Variants in DRC11 observed in about 807,000 individuals in gnomAD.
DRC11 encodes IQ and AAA domain-containing protein 1.
chr2:236,377,840 A>C, the DRC11 span, among the ~76,000 whole-genome samples: 1 of 152,224 alleles, frequency 6.6e-6, no homozygotes, highest in African/African-American at 2.4e-5. The surrounding 1 kb of genome is among the most constrained non-coding windows in gnomAD (Gnocchi z 4.9). Context: ...AAAAATGGAC[A>C]TAGTATCCCA....
the DRC11 span, chr2:236,331,419 C>A: frequency 6.2e-7 from 1 of 1,613,892 alleles, no homozygotes. This position sits in a 1 kb window ranked among gnomAD's most constrained non-coding sequence, Gnocchi z 4.8. Flanking sequence ...CCGTAATAAA[C>A]TCAACTGCAG....
At chr2:236,383,927 T>C in the DRC11 span, among the ~76,000 whole-genome samples, 1 of 151,500 alleles carries the variant, frequency 6.6e-6, no homozygotes, top group Non-Finnish European at 1.5e-5. Flanking sequence ...TGGTTTTTTG[T>C]TCTTGCGATA....
chr2:236,380,310 T>TAAACAAAAAATTC, the DRC11 span, among the ~76,000 whole-genome samples: 1 of 152,148 alleles, frequency 6.6e-6, no homozygotes, highest in Non-Finnish European at 1.5e-5. This position sits in a 1 kb window ranked among gnomAD's most constrained non-coding sequence, Gnocchi z 4.9. Context: ...ACAAAAAACT[T>TAAACAAAAAATTC]AAACAAAAAA....
the DRC11 span, among the ~76,000 whole-genome samples, chr2:236,329,833 A>C: frequency 6.6e-6 from 1 of 152,238 alleles, no homozygotes; most frequent in African/African-American, 2.4e-5. Flanking sequence ...AAATACACCA[A>C]GAATGGATGT....
the DRC11 span, chr2:236,391,948 C>T: frequency 1.9e-5 from 30 of 1,592,118 alleles, no homozygotes; most frequent in Non-Finnish European, 2.5e-5. The surrounding 1 kb of genome is among the most constrained non-coding windows in gnomAD (Gnocchi z 4.5). Flanking sequence ...CTCCACCGCA[C>T]CCCTCTGCAG....
the DRC11 span, chr2:236,368,160 G>A: frequency 2.3e-6 from 3 of 1,319,930 alleles, no homozygotes; most frequent in African/African-American, 4.3e-5. Flanking sequence ...AAGCTGCTTT[G>A]GAAAAGGCAC....
chr2:236,477,386 A>T, the DRC11 span, among the ~76,000 whole-genome samples: 1 of 152,236 alleles, frequency 6.6e-6, no homozygotes, highest in Non-Finnish European at 1.5e-5. Flanking sequence ...TTTACTGCTC[A>T]CTAAGTAGAA....
the DRC11 span, among the ~76,000 whole-genome samples, chr2:236,321,770 G>C: frequency 6.6e-6 from 1 of 152,100 alleles, no homozygotes; most frequent in African/African-American, 2.4e-5. Flanking sequence ...GCATTTCAAG[G>C]ATATCACTTC....
the DRC11 span, among the ~76,000 whole-genome samples, chr2:236,411,292 A>C: frequency 1.3e-5 from 2 of 151,190 alleles, no homozygotes; most frequent in East Asian, 2.0e-4. Context: ...AACACATGAA[A>C]AAATGCTCAG....
chr2:236,340,689 C>G, the DRC11 span, among the ~76,000 whole-genome samples: 1 of 152,178 alleles, frequency 6.6e-6, no homozygotes, highest in Non-Finnish European at 1.5e-5. Flanking sequence ...CCCTCAGCAA[C>G]CCAGTTGCCA....
the DRC11 span, among the ~76,000 whole-genome samples, chr2:236,422,492 A>C: frequency 1.3e-5 from 2 of 152,222 alleles, no homozygotes; most frequent in Non-Finnish European, 2.9e-5. Context: ...TCCAACTTAC[A>C]AGGGACGTGA....
the DRC11 span, chr2:236,368,206 T>C: frequency 3.1e-6 from 5 of 1,605,838 alleles, no homozygotes; most frequent in Admixed American, 5.0e-5. Flanking sequence ...AATGGCCAGA[T>C]TCCGTACAAT....
At chr2:236,308,045 G>A in the DRC11 span, among the ~76,000 whole-genome samples, 57 of 148,392 alleles carry the variant, frequency 3.8e-4, no homozygotes, top group East Asian at 7.5e-3. This position sits in a 1 kb window ranked among gnomAD's most constrained non-coding sequence, Gnocchi z 6.0. Context: ...AGGCGTCCTC[G>A]TGTGCTTGCA....
At chr2:236,413,913 T>C in the DRC11 span, among the ~76,000 whole-genome samples, 1 of 152,172 alleles carries the variant, frequency 6.6e-6, no homozygotes, top group Non-Finnish European at 1.5e-5. This position sits in a 1 kb window ranked among gnomAD's most constrained non-coding sequence, Gnocchi z 4.0. Context: ...GCCACACAAC[T>C]GTGAGACAAA....
At chr2:236,420,756 G>A in the DRC11 span, among the ~76,000 whole-genome samples, 8 of 152,260 alleles carry the variant, frequency 5.3e-5, no homozygotes, top group South Asian at 1.7e-3. The surrounding 1 kb of genome is among the most constrained non-coding windows in gnomAD (Gnocchi z 4.8). Flanking sequence ...GCTGCTGTGA[G>A]CTATGATCCA....
At chr2:236,363,292 C>T in the DRC11 span, among the ~76,000 whole-genome samples, 2 of 152,192 alleles carry the variant, frequency 1.3e-5, no homozygotes, top group East Asian at 1.9e-4. The surrounding 1 kb of genome is among the most constrained non-coding windows in gnomAD (Gnocchi z 5.6). Context: ...CAGAGCTGCT[C>T]GGATCCTGTG....
At chr2:236,488,171 G>A in the DRC11 span, 1 of 1,601,340 alleles carries the variant, frequency 6.2e-7, no homozygotes, top group Non-Finnish European at 8.5e-7. Flanking sequence ...CATCGAAAGG[G>A]ATACTCTTTA....
the DRC11 span, among the ~76,000 whole-genome samples, chr2:236,506,174 C>A: frequency 1.3e-5 from 2 of 152,222 alleles, no homozygotes; most frequent in Non-Finnish European, 2.9e-5. This position sits in a 1 kb window ranked among gnomAD's most constrained non-coding sequence, Gnocchi z 4.9. Flanking sequence ...GCTTCTTCCT[C>A]ATGGATCATG....
At chr2:236,426,697 G>A in the DRC11 span, among the ~76,000 whole-genome samples, 1 of 152,122 alleles carries the variant, frequency 6.6e-6, no homozygotes, top group Non-Finnish European at 1.5e-5. This position sits in a 1 kb window ranked among gnomAD's most constrained non-coding sequence, Gnocchi z 4.1. Flanking sequence ...GTGAGCCACC[G>A]TGCCCGGCCT....
Sources: allele counts gnomAD v4.1 joint callset (sites outside exome capture counted in the v4.1 genomes callset), GRCh38; gene constraint gnomAD v4.1.1; non-coding constraint Gnocchi (gnomAD v3.1); transcripts MANE v1.5; gene names NCBI Gene and HGNC (gene_info 2026-07-23, HGNC 2026-07-21).